The following NR1D2 variants were observed in gnomAD, a reference collection of about 807,000 sequenced individuals.
The protein encoded by NR1D2 is nuclear receptor subfamily 1 group D member 2.
In NR1D2, 25 loss-of-function variants were observed where a neutral mutation model predicts 52.2. The observed-to-expected ratio is 0.48, with a 90% CI of 0.35 to 0.67. The LOEUF (loss-of-function observed/expected upper bound fraction) is 0.67. NR1D2 is among the 30% of genes least tolerant of loss of function. The pLI is 0.01. For synonymous variants in NR1D2, 259 were observed against 230.1 expected, an observed-to-expected ratio of 1.13 and a Z score of -1.14; for missense variants, 681 against 707.2, an observed-to-expected ratio of 0.96 and a Z score of 0.42.
chr3:23,975,136 T>C (rs1336706239), intron 7 of NR1D2, among the ~76,000 whole-genome samples: 1 of 151,832 alleles, frequency 6.6e-6, no homozygotes, highest in Non-Finnish European at 1.5e-5. Flanking sequence ...CTTTTTATTT[T>C]TTGAGACAGC....
At chr3:23,956,582 A>G (rs1706087589) in intron 3 of NR1D2, among the ~76,000 whole-genome samples, 1 of 152,310 alleles carries the variant, frequency 6.6e-6, no homozygotes, top group South Asian at 2.1e-4. Context: ...TAATTGCTAC[A>G]TACTTGAAAA....
chr3:23,959,357 G>T (rs556899704), intron 3 of NR1D2, among the ~76,000 whole-genome samples: 2 of 152,118 alleles, frequency 1.3e-5, no homozygotes, highest in Non-Finnish European at 2.9e-5. Context: ...GTGACTGCAG[G>T]CAGGGTCTGG....
intron 5 of NR1D2, chr3:23,964,726 G>A (rs1282893278): frequency 1.2e-5 from 4 of 347,082 alleles, no homozygotes; most frequent in Admixed American, 8.8e-5. Context: ...GTTTGAAATA[G>A]CTTGTTATAG....
chr3:23,973,382 C>G (rs192172604), intron 7 of NR1D2, among the ~76,000 whole-genome samples: 1 of 152,272 alleles, frequency 6.6e-6, no homozygotes, highest in East Asian at 1.9e-4. Context: ...ACCTGTACAC[C>G]ATGTTACTGT....
intron 7 of NR1D2, among the ~76,000 whole-genome samples, chr3:23,974,523 AG>A: frequency 6.6e-6 from 1 of 152,272 alleles, no homozygotes; most frequent in Non-Finnish European, 1.5e-5. Context: ...AGCTCCTTAA[AG>A]GCATTCTTGT....
intron 3 of NR1D2, among the ~76,000 whole-genome samples, chr3:23,958,642 TAAA>T (rs35959367): frequency 3.8e-4 from 37 of 98,094 alleles, no homozygotes; most frequent in Admixed American, 1.8e-3. Context: ...CCTGTCTCTT[TAAA>T]AAAAAAAAAA....
intron 3 of NR1D2, among the ~76,000 whole-genome samples, chr3:23,958,721 G>A (rs1333190980): frequency 6.6e-6 from 1 of 151,696 alleles, no homozygotes; most frequent in South Asian, 2.1e-4. Context: ...GCCAAGGTGG[G>A]CGGATCAGTT....
At chr3:23,947,430 A>G (rs1463890624) in intron 1 of NR1D2, among the ~76,000 whole-genome samples, 1 of 152,092 alleles carries the variant, frequency 6.6e-6, no homozygotes, top group Admixed American at 6.5e-5. Flanking sequence ...GTTTTTTCTG[A>G]TCACTCATCA....
intron 5 of NR1D2, chr3:23,964,708 C>A: frequency 3.3e-6 from 1 of 299,060 alleles, no homozygotes; most frequent in Non-Finnish European, 6.1e-6. Flanking sequence ...TAAACCTGTG[C>A]AACAGGTGTT....
In NR1D2 at chr3:23,965,174, TTATC is replaced by T; in HGVS notation, c.1332+13_1332+16del. The T allele has an allele frequency of 6.4e-7, 1 of 1,570,524 alleles. No individual in the cohort carries two copies. Among genetic ancestry groups the T allele is most frequent in the Non-Finnish European group, 8.6e-7 (1 of 1,156,686 alleles). On this transcript the variant is annotated intron_variant, in intron 6 of 7. Transcript: ENST00000312521. Reference sequence around the variant, plus strand: ...CTGGGACTTTTGAGGTAGGTTTTATTTATCCTGAATATTGATGCAGGCAGGGCAT... The same window carrying T: ...CTGGGACTTTTGAGGTAGGTTTTATTCTGAATATTGATGCAGGCAGGGCAT...
intron 6 of NR1D2, 114 bp from the exon 7 acceptor site, chr3:23,967,699 T>C: frequency 3.9e-6 from 3 of 777,824 alleles, no homozygotes; most frequent in Non-Finnish European, 6.0e-6. Context: ...TGTTTTTCTT[T>C]TATAACTTTC....
At chr3:23,970,050 A>T (rs190679975) in intron 7 of NR1D2, among the ~76,000 whole-genome samples, 49 of 152,314 alleles carry the variant, frequency 3.2e-4, no homozygotes, top group African/African-American at 1.1e-3. Flanking sequence ...GGAGATTTTA[A>T]CCAAAATATG....
At chr3:23,973,012 C>A (rs1706630645) in intron 7 of NR1D2, among the ~76,000 whole-genome samples, 1 of 152,176 alleles carries the variant, frequency 6.6e-6, no homozygotes. Context: ...CCAACAACTT[C>A]AAACATTTTT....
At chr3:23,952,491 T>C (rs1705960980) in intron 1 of NR1D2, among the ~76,000 whole-genome samples, 1 of 151,586 alleles carries the variant, frequency 6.6e-6, no homozygotes, top group African/African-American at 2.4e-5. Context: ...GGGCGGATCA[T>C]CTGAGGTCGG....
intron 7 of NR1D2, 84 bp from the exon 8 acceptor site, chr3:23,977,139 C>T: frequency 9.4e-6 from 7 of 747,490 alleles, no homozygotes; most frequent in Non-Finnish European, 1.4e-5. Context: ...TCGTTAGTGA[C>T]ACTGATAAGC....
At position 23,962,070 on chromosome 3, in the gene NR1D2, G is replaced by A. The variant is rs776017694; in HGVS notation, c.611G>A (p.Ser204Asn). 6.2e-7 allele frequency: 1 copy of A among 1,614,170 alleles called. No homozygotes were observed. Among genetic ancestry groups the A allele is most frequent in the Non-Finnish European group, 8.5e-7 (1 of 1,180,022 alleles). ...AAGACCATGATGAACAGCCAGTTCA[G>A]TGGTCACTTGCAAAATGACACATTA... is the stretch of plus-strand genomic sequence containing the variant. ...AMKTMMNSQFSGHLQNDTLVE... is the reference protein window; with the variant it reads ...AMKTMMNSQFNGHLQNDTLVE... Residue 204 changes from serine to asparagine, a missense_variant, in exon 5 of 8, where the codon AGT (serine) becomes AAT (asparagine). Transcript: ENST00000312521.
chr3:23,957,244 A>G (rs1390422841), intron 3 of NR1D2, among the ~76,000 whole-genome samples: 1 of 151,832 alleles, frequency 6.6e-6, no homozygotes, highest in Non-Finnish European at 1.5e-5. Context: ...CGGCTTCGCA[A>G]AGTGCTGGGA....
At chr3:23,966,332 A>G (rs1008718546) in intron 6 of NR1D2, among the ~76,000 whole-genome samples, 1 of 152,254 alleles carries the variant, frequency 6.6e-6, no homozygotes, top group Non-Finnish European at 1.5e-5. Flanking sequence ...TTGGATGTCA[A>G]TTATAACATG....
At chr3:23,946,347 C>T in intron 1 of NR1D2, 1 of 963,096 alleles carries the variant, frequency 1.0e-6, no homozygotes, top group Non-Finnish European at 1.2e-6. Flanking sequence ...GGAGGAAGTG[C>T]AGGACGAGGG....
Sources: gnomAD v4.1 joint callset for allele counts (sites outside exome capture counted in the v4.1 genomes callset) on GRCh38, gnomAD v4.1.1 for gene constraint, MANE v1.5 for transcripts, NCBI Gene and HGNC (gene_info 2026-07-23, HGNC 2026-07-21) for gene names.